ARL15: variants seen among roughly 807,000 people sequenced by gnomAD.
ARL15 encodes ARF like GTPase 15.
ARL15 carries 19 observed loss-of-function variants against 25.2 expected under a neutral mutation model. The observed-to-expected ratio is 0.75, with a 90% confidence interval of 0.53 to 1.10. The LOEUF (loss-of-function observed/expected upper bound fraction) is 1.10. ARL15 is among the 50% of genes least tolerant of loss of function. The pLI is 0.00. For synonymous variants in ARL15, 94 were observed against 86.8 expected (o/e 1.08, Z -0.46); for missense variants, 220 against 246.0 (o/e 0.89, Z 0.71).
At chr5:54,161,967 C>T (rs1754412285) in intron 2 of ARL15, among the ~76,000 whole-genome samples, 1 of 148,192 alleles carries the variant, frequency 6.7e-6, no homozygotes, top group Non-Finnish European at 1.5e-5. Context: ...TCCTTCCACC[C>T]CCTTTGTTCT....
rs189617038 is a variant in ARL15, at chr5:54,134,968, T to C, written c.253+19612A>G. Among the ~76,000 whole-genome samples, 249 of 152,326 alleles carry C rather than the reference T, an allele frequency of 1.6e-3. 2 individuals are homozygous for C. Among genetic ancestry groups the C allele is most frequent in the Admixed American group, 8.1e-3 (124 of 15,310 alleles). On this transcript the variant is annotated intron_variant, in intron 3 of 4. Coordinates refer to ENST00000504924, the MANE Select transcript of ARL15 (RefSeq NM_019087.3). ...GTAGACAGTCTGATACATGTTTACATATTTTAATTGAATTAAAAAGTTGAA... is the reference window on the plus strand; with the variant it reads ...GTAGACAGTCTGATACATGTTTACACATTTTAATTGAATTAAAAAGTTGAA...
intron 3 of ARL15, among the ~76,000 whole-genome samples, chr5:54,127,627 C>T (rs1470781737): frequency 1.3e-5 from 2 of 151,934 alleles, no homozygotes; most frequent in Admixed American, 6.6e-5. Context: ...CCATCCCCAT[C>T]AAGCTACCAA....
chr5:54,182,716 T>C (rs1192044760), intron 1 of ARL15, among the ~76,000 whole-genome samples: 3 of 152,194 alleles, frequency 2.0e-5, no homozygotes, highest in South Asian at 2.1e-4. Context: ...GGGGATGGCA[T>C]TGAATCTATA....
chr5:54,216,553 C>T (rs773803842), intron 1 of ARL15, among the ~76,000 whole-genome samples: 3 of 152,078 alleles, frequency 2.0e-5, no homozygotes, highest in South Asian at 2.1e-4. Flanking sequence ...ATAAGCTATG[C>T]GCAAATTCCC....
rs901232171 is a variant in ARL15 at position 53,884,313 on chromosome 5, T to C, written c.*2248A>G. 5.3e-5 allele frequency: 8 copies of C among 152,192 alleles called. No homozygotes were observed. The East Asian group carries it at 1.4e-3, about 26-fold the overall frequency. 9.4% of individuals were successfully genotyped at this position (152,192 alleles called of 1,614,324 possible). On this transcript the variant is annotated 3_prime_UTR_variant, in exon 5 of 5. Coordinates refer to ENST00000504924, the MANE Select transcript of ARL15 (RefSeq NM_019087.3). The stretch of plus-strand genomic sequence containing the variant: ...GCAAACCAAGACACCTGTGGCACTT[T>C]ACATGAAAGTAGGAAAAGGGACTTA...
chr5:54,207,254 G>A (rs1391829525), intron 1 of ARL15, among the ~76,000 whole-genome samples: 4 of 152,130 alleles, frequency 2.6e-5, no homozygotes, highest in African/African-American at 7.2e-5. Context: ...GTCTGCACAG[G>A]GAGACTAAGA....
chr5:54,043,793 G>A (rs150726977), intron 4 of ARL15, among the ~76,000 whole-genome samples: 116 of 151,754 alleles, frequency 7.6e-4, no homozygotes, highest in East Asian at 5.4e-3. Context: ...AATAATTCAG[G>A]CTCTTAATAA....
intron 1 of ARL15, among the ~76,000 whole-genome samples, chr5:54,227,629 C>T (rs1011301189): frequency 3.2e-4 from 48 of 152,352 alleles, no homozygotes; most frequent in African/African-American, 1.1e-3. Context: ...GGCCTGAATA[C>T]TTCTGGGTCA....
chr5:54,251,454 T>A (rs1026841041), intron 1 of ARL15, among the ~76,000 whole-genome samples: 1 of 152,202 alleles, frequency 6.6e-6, no homozygotes, highest in African/African-American at 2.4e-5. Context: ...CAGTTTGTAA[T>A]ATGGTATTTC....
chr5:54,051,096 T>C (rs2111987227), intron 4 of ARL15, among the ~76,000 whole-genome samples: 1 of 152,300 alleles, frequency 6.6e-6, no homozygotes, highest in African/African-American at 2.4e-5. Context: ...GCTTAATGAT[T>C]AGTAAGCTTT....
intron 4 of ARL15, among the ~76,000 whole-genome samples, chr5:53,966,701 C>T (rs1255008494): frequency 3.9e-5 from 6 of 152,158 alleles, no homozygotes; most frequent in Non-Finnish European, 7.3e-5. Context: ...AGTCTTATTC[C>T]GTGTTGACGA....
intron 4 of ARL15, among the ~76,000 whole-genome samples, chr5:53,909,295 C>T (rs1385408906): frequency 6.6e-6 from 1 of 152,004 alleles, no homozygotes; most frequent in East Asian, 1.9e-4. Flanking sequence ...GGATAATAAC[C>T]TTGGGGATTA....
At chr5:53,920,475 T>C (rs1025689329) in intron 4 of ARL15, among the ~76,000 whole-genome samples, 20 of 151,974 alleles carry the variant, frequency 1.3e-4, no homozygotes, top group African/African-American at 4.8e-4. Flanking sequence ...TGAGCATCAC[T>C]GTAGCTGCTG....
chr5:53,903,254 G>A (rs558682236), intron 4 of ARL15, among the ~76,000 whole-genome samples: 42 of 152,192 alleles, frequency 2.8e-4, no homozygotes, highest in Non-Finnish European at 5.4e-4. Context: ...ACAGCATTGG[G>A]AGTGTGGCCT....
chr5:53,902,086 T>C (rs1745085074), intron 4 of ARL15, among the ~76,000 whole-genome samples: 1 of 152,268 alleles, frequency 6.6e-6, no homozygotes. Context: ...TAACGTTAGC[T>C]GACAAATGAA....
At chr5:54,087,070 C>T (rs1436005108) in intron 4 of ARL15, among the ~76,000 whole-genome samples, 2 of 152,070 alleles carry the variant, frequency 1.3e-5, no homozygotes, top group East Asian at 1.9e-4. Flanking sequence ...GGCGTGGTGG[C>T]TCACGCCTGT....
intron 1 of ARL15, among the ~76,000 whole-genome samples, chr5:54,244,500 C>T (rs1757034371): frequency 1.3e-5 from 2 of 152,066 alleles, no homozygotes; most frequent in African/African-American, 4.8e-5. Flanking sequence ...CCTGTATACA[C>T]CCAAAAGTTT....
intron 1 of ARL15, among the ~76,000 whole-genome samples, chr5:54,279,604 AC>A (rs1758005537): frequency 6.6e-6 from 1 of 152,186 alleles, no homozygotes; most frequent in African/African-American, 2.4e-5. Flanking sequence ...CAGGGCTTCA[AC>A]ACATGAGTTT....
chr5:54,043,988 C>G (rs1750428769), intron 4 of ARL15, among the ~76,000 whole-genome samples: 1 of 152,024 alleles, frequency 6.6e-6, no homozygotes, highest in Non-Finnish European at 1.5e-5. Context: ...GTGACAGAGA[C>G]AGAGAGCCTA....
Sources: allele counts gnomAD v4.1 joint callset (sites outside exome capture counted in the v4.1 genomes callset), GRCh38; gene constraint gnomAD v4.1.1; transcripts MANE v1.5; gene names NCBI Gene and HGNC (gene_info 2026-07-23, HGNC 2026-07-21).